ZFPM1: variants seen among roughly 807,000 people sequenced by gnomAD.
ZFPM1 encodes zinc finger protein, FOG family member 1.
Under a neutral mutation model 46.3 loss-of-function variants are expected in ZFPM1, and 28 were observed. That is an observed-to-expected ratio of 0.60 (90% confidence interval 0.45 to 0.83). The LOEUF (loss-of-function observed/expected upper bound fraction) is 0.83. ZFPM1 is among the 40% of genes least tolerant of loss of function. The pLI is 0.00. For synonymous variants in ZFPM1, 957 were observed against 675.9 expected (o/e 1.42, Z -6.45); for missense variants, 1,878 against 1,432.4 (o/e 1.31, Z -5.02).
intron 3 of ZFPM1, among the ~76,000 whole-genome samples, chr16:88,492,014 C>G (rs545986852): frequency 2.0e-5 from 3 of 152,298 alleles, no homozygotes; most frequent in East Asian, 1.9e-4. Flanking sequence ...CACATTTGCC[C>G]TGCTCCTCCT....
chr16:88,509,741 C>T (rs1402578773), intron 3 of ZFPM1, among the ~76,000 whole-genome samples: 1 of 152,184 alleles, frequency 6.6e-6, no homozygotes, highest in Middle Eastern at 3.2e-3. Context: ...CTTGGATCCT[C>T]TGTCAGAGAG....
intron 4 of ZFPM1, among the ~76,000 whole-genome samples, chr16:88,522,820 C>T (rs551291981): frequency 2.4e-4 from 37 of 152,296 alleles, no homozygotes; most frequent in African/African-American, 8.4e-4. Flanking sequence ...GGCTGGGTGC[C>T]GAGCCTGTGG....
At chr16:88,456,377 A>G (rs528377108) in intron 1 of ZFPM1, among the ~76,000 whole-genome samples, 1 of 151,458 alleles carries the variant, frequency 6.6e-6, no homozygotes, top group South Asian at 2.1e-4. Flanking sequence ...CCAAGTGTAC[A>G]CTGCTTGGAG....
Position 88,533,456 on chromosome 16 carries a change from G to GTCAAGGC in ZFPM1, c.1499_1505dup (p.Glu503GlnfsTer171). 7.0e-7 allele frequency: 1 copy of GTCAAGGC among 1,437,664 alleles called. No homozygotes were observed. The highest frequency in any genetic ancestry group is 9.1e-7 in the Non-Finnish European group (1 of 1,104,216). The allele number at this position is 1,437,664 out of a possible 1,614,324, so 89.1% of individuals were successfully genotyped here. On this transcript the variant is annotated frameshift_variant, in exon 10 of 10. Transcript: ENST00000319555. LOFTEE classifies it low-confidence loss of function (END_TRUNC). ...GCCGCGCAGCCCCGCCCCGGCCAGGGTCAAGGCCGAGCTGTCCAGCCCCAC... is the reference window on the plus strand; with the variant it reads ...GCCGCGCAGCCCCGCCCCGGCCAGGGTCAAGGCTCAAGGCCGAGCTGTCCAGCCCCAC...
At chr16:88,505,171 C>T (rs1010455062) in intron 3 of ZFPM1, among the ~76,000 whole-genome samples, 2 of 152,220 alleles carry the variant, frequency 1.3e-5, no homozygotes, top group South Asian at 2.1e-4. Context: ...GCCTCTCCCT[C>T]GCCCGGTGGC....
At chr16:88,498,177 C>G (rs12444373) in intron 3 of ZFPM1, among the ~76,000 whole-genome samples, 8,080 of 151,718 alleles carry the variant, frequency 0.053, 246 homozygotes, top group South Asian at 0.12. Flanking sequence ...CTGGGGAACA[C>G]GGACCCACCT....
In ZFPM1 at chr16:88,535,144, AAAG is replaced by A. The variant is rs1350691584; in HGVS notation, c.*169_*171del. ...CCCGCCTGGACCCTTGGCACTTAAT[AAAG>A]AAGTTCAGTTTGATGAGCATGGTGG... On this transcript the variant is annotated 3_prime_UTR_variant, in exon 10 of 10. Transcript: ENST00000319555. 4.8e-6 allele frequency: 4 copies of A among 838,828 alleles called. No homozygotes were observed. Among genetic ancestry groups the A allele is most frequent in the Non-Finnish European group, 4.8e-6 (3 of 622,954 alleles). The allele number at this position is 838,828 out of a possible 1,614,324, so 52.0% of individuals were successfully genotyped here.
intron 3 of ZFPM1, among the ~76,000 whole-genome samples, chr16:88,499,452 C>G (rs572648554): frequency 6.6e-6 from 1 of 152,162 alleles, no homozygotes; most frequent in Non-Finnish European, 1.5e-5. Context: ...CAGAGGAAGC[C>G]GGGTACAGAG....
chr16:88,500,153 C>T (rs547959605), intron 3 of ZFPM1, among the ~76,000 whole-genome samples: 3 of 152,302 alleles, frequency 2.0e-5, no homozygotes, highest in Non-Finnish European at 4.4e-5. Context: ...AGCCCCCACC[C>T]AGGCCCCGCC....
At position 88,508,582 on chromosome 16, in the gene ZFPM1, C is replaced by T. The variant is rs774222694; in HGVS notation, c.269-5805C>T. Among the ~76,000 whole-genome samples, 6 of 152,230 alleles carry T rather than the reference C, an allele frequency of 3.9e-5. 1 individual carries two copies. Among genetic ancestry groups the T allele is most frequent in the Non-Finnish European group, 7.3e-5 (5 of 68,040 alleles). On this transcript the variant is annotated intron_variant, in intron 3 of 9. Transcript: ENST00000319555. ...CTGAACCTCTCCCAGATGTGGCCTT[C>T]GGTGCCTGCCGTGGGCCCTGGTTGG... is the stretch of plus-strand genomic sequence containing the variant.
At chr16:88,508,641 G>A (rs1424140236) in intron 3 of ZFPM1, among the ~76,000 whole-genome samples, 2 of 152,218 alleles carry the variant, frequency 1.3e-5, no homozygotes, top group African/African-American at 4.8e-5. Context: ...GCCTCCCGTA[G>A]GTGGCTGCAG....
At chr16:88,468,195 G>A (rs1332630652) in intron 1 of ZFPM1, among the ~76,000 whole-genome samples, 1 of 122,080 alleles carries the variant, frequency 8.2e-6, no homozygotes, top group Non-Finnish European at 1.7e-5. Context: ...CGAGCCCACC[G>A]CCCCTCAAGC....
intron 3 of ZFPM1, among the ~76,000 whole-genome samples, chr16:88,511,764 C>T (rs1012734051): frequency 1.3e-5 from 2 of 152,210 alleles, no homozygotes; most frequent in African/African-American, 4.8e-5. Flanking sequence ...GAATGCTGCA[C>T]AAGGGCACCT....
chr16:88,470,215 C>A (rs536377202), intron 1 of ZFPM1, among the ~76,000 whole-genome samples: 10 of 152,326 alleles, frequency 6.6e-5, no homozygotes, highest in Admixed American at 2.6e-4. Flanking sequence ...GGCTGTGACT[C>A]ACTCCTGCGG....
intron 3 of ZFPM1, 87 bp from the exon 4 acceptor site, chr16:88,514,300 C>T: frequency 7.2e-6 from 11 of 1,524,340 alleles, no homozygotes; most frequent in Middle Eastern, 2.0e-4. Context: ...TGCCACCCTC[C>T]ACTGCCCCTT....
intron 1 of ZFPM1, among the ~76,000 whole-genome samples, chr16:88,478,280 G>A (rs113186971): frequency 3.5e-4 from 53 of 152,330 alleles, no homozygotes; most frequent in African/African-American, 1.2e-3. Flanking sequence ...CTAGTAAGCC[G>A]CACCCTCACC....
chr16:88,456,112 C>T (rs574572067), intron 1 of ZFPM1, among the ~76,000 whole-genome samples: 100 of 152,392 alleles, frequency 6.6e-4, no homozygotes, highest in Non-Finnish European at 1.2e-3. Context: ...CTGCGCTGGT[C>T]TGTCTGGGGG....
chr16:88,468,170 G>T (rs570589888), intron 1 of ZFPM1, among the ~76,000 whole-genome samples: 6 of 84,306 alleles, frequency 7.1e-5, no homozygotes, highest in Non-Finnish European at 1.1e-4. Context: ...GAGCCCACAG[G>T]CCCTGACGCA....
intron 4 of ZFPM1, among the ~76,000 whole-genome samples, chr16:88,523,468 G>C (rs570647280): frequency 6.6e-6 from 1 of 152,308 alleles, no homozygotes; most frequent in East Asian, 1.9e-4. Context: ...CAGGATGGGC[G>C]GGTGGCCCCG....
Sources: allele counts gnomAD v4.1 joint callset (sites outside exome capture counted in the v4.1 genomes callset), GRCh38; gene constraint gnomAD v4.1.1; transcripts MANE v1.5; gene names NCBI Gene and HGNC (gene_info 2026-07-23, HGNC 2026-07-21).